ITSN2: variants seen among roughly 807,000 people sequenced by gnomAD.
ITSN2 encodes intersectin-2.
In ITSN2, 156 loss-of-function variants were observed where a neutral mutation model predicts 243.7. The observed-to-expected ratio is 0.64, with a 90% CI of 0.56 to 0.73. ITSN2 has a LOEUF of 0.73. Among genes scored for constraint, ITSN2 ranks in the 30% least tolerant of loss-of-function variants. The probability of loss-of-function intolerance (pLI) is 0.00; values close to 1 mark genes in which losing one functional copy is unlikely to be tolerated. For missense variants in ITSN2, 1,801 were observed against 1,996.1 expected (o/e 0.90, Z 1.86); for synonymous variants, 703 against 699.9 (o/e 1.00, Z -0.07).
intron 1 of ITSN2, among the ~76,000 whole-genome samples, chr2:24,351,520 C>G (rs770380442): frequency 2.0e-5 from 3 of 152,208 alleles, no homozygotes; most frequent in Non-Finnish European, 4.4e-5. Flanking sequence ...AATGTGGATA[C>G]AGTAGACCCC....
At chr2:24,345,644 C>G (rs1381131683) in intron 1 of ITSN2, among the ~76,000 whole-genome samples, 1 of 151,788 alleles carries the variant, frequency 6.6e-6, no homozygotes, top group African/African-American at 2.4e-5. Flanking sequence ...GACCATCCTT[C>G]CCCATCAGTC....
chr2:24,252,337 C>G lies in ITSN2; in HGVS notation c.3120+8G>C. ...AACCAGAATGGGTTGATTTTAATAT[C>G]AAAATACCTCTTGATCCTTTGGTTT... On this transcript the variant is annotated splice_region_variant and intron_variant, in intron 25 of 39. Coordinates refer to ENST00000355123, the MANE Select transcript of ITSN2 (RefSeq NM_006277.3). 5 of 1,593,750 alleles carry G rather than the reference C, an allele frequency of 3.1e-6. No homozygotes were observed. The highest frequency in any genetic ancestry group is 4.3e-6 in the Non-Finnish European group (5 of 1,165,858).
intron 22 of ITSN2, among the ~76,000 whole-genome samples, chr2:24,258,551 CTT>C (rs1222370593): frequency 2.0e-5 from 3 of 152,132 alleles, no homozygotes; most frequent in Non-Finnish European, 4.4e-5. Flanking sequence ...ATTCATTCTT[CTT>C]TCTTTCCCTC....
At chr2:24,265,288 C>T (rs1047435777) in intron 20 of ITSN2, among the ~76,000 whole-genome samples, 1 of 152,190 alleles carries the variant, frequency 6.6e-6, no homozygotes, top group Admixed American at 6.5e-5. Flanking sequence ...CTCAATAAAA[C>T]TTTGTAACTT....
chr2:24,347,856 C>A (rs1040626643), intron 1 of ITSN2, among the ~76,000 whole-genome samples: 1 of 151,848 alleles, frequency 6.6e-6, no homozygotes, highest in African/African-American at 2.4e-5. Flanking sequence ...GAGAATCATT[C>A]GAGGCTGGGA....
chr2:24,213,245 C>T (rs1197843622), intron 32 of ITSN2, among the ~76,000 whole-genome samples: 2 of 152,098 alleles, frequency 1.3e-5, no homozygotes, highest in Non-Finnish European at 2.9e-5. Flanking sequence ...TCCCTGGCCA[C>T]CTTTAGCATA....
intron 2 of ITSN2, among the ~76,000 whole-genome samples, chr2:24,327,229 A>G (rs1685244325): frequency 6.6e-6 from 1 of 152,198 alleles, no homozygotes; most frequent in South Asian, 2.1e-4. Context: ...AAAGAATTAA[A>G]GCTACAATCA....
chr2:24,345,697 C>T (rs2551138), intron 1 of ITSN2, among the ~76,000 whole-genome samples: 148,865 of 152,290 alleles, frequency 0.98, 72,756 homozygotes, highest in East Asian at 0.99. Context: ...CCTGTATCCA[C>T]GGATCTTTTT....
At chr2:24,294,535 C>A (rs867883551) in intron 14 of ITSN2, among the ~76,000 whole-genome samples, 2 of 152,142 alleles carry the variant, frequency 1.3e-5, no homozygotes, top group Admixed American at 1.3e-4. Flanking sequence ...CCAGTCCATG[C>A]AGTAAGAGAA....
intron 15 of ITSN2, among the ~76,000 whole-genome samples, chr2:24,288,653 T>C (rs1199377262): frequency 2.6e-5 from 4 of 152,180 alleles, no homozygotes; most frequent in Non-Finnish European, 5.9e-5. Flanking sequence ...TTACCTCACA[T>C]ACTTACCATT....
At chr2:24,259,580 C>G (rs1312781485) in intron 22 of ITSN2, among the ~76,000 whole-genome samples, 2 of 152,154 alleles carry the variant, frequency 1.3e-5, no homozygotes, top group Non-Finnish European at 2.9e-5. Flanking sequence ...TTCGCTTAAC[C>G]CTTTCTCCAT....
At chr2:24,330,286 C>A (rs1685628730) in intron 1 of ITSN2, 3 of 376,524 alleles carry the variant, frequency 8.0e-6, no homozygotes, top group East Asian at 6.6e-5. Context: ...CAAAAGAATG[C>A]CAAATAGAGA....
At position 24,285,556 on chromosome 2, in the gene ITSN2, G is replaced by A. The variant is rs117905786; in HGVS notation, c.1863+656C>T. 1.2e-3 allele frequency among the ~76,000 whole-genome samples: 181 copies of A among 152,308 alleles called. 1 individual carries two copies. In the East Asian group the frequency reaches 0.028, roughly 23 times the overall value. On this transcript the variant is annotated intron_variant, in intron 16 of 39. Transcript: ENST00000355123. Reference sequence around the variant, plus strand: ...ATATTGTTAGCAAAGGAATAACTGAGACTATTCCCAAATTTACATTCTATG... The same window carrying A: ...ATATTGTTAGCAAAGGAATAACTGAAACTATTCCCAAATTTACATTCTATG...
intron 20 of ITSN2, among the ~76,000 whole-genome samples, chr2:24,262,264 G>A (rs916329376): frequency 6.6e-6 from 1 of 152,032 alleles, no homozygotes; most frequent in African/African-American, 2.4e-5. Flanking sequence ...ATAATATTAT[G>A]ATTATGTTTA....
chr2:24,340,295 A>G (rs1686903991), intron 1 of ITSN2, among the ~76,000 whole-genome samples: 1 of 152,130 alleles, frequency 6.6e-6, no homozygotes, highest in African/African-American at 2.4e-5. Context: ...ACCCTGGCCA[A>G]GATGGTATAA....
chr2:24,265,512 C>T (rs968330223), intron 20 of ITSN2, among the ~76,000 whole-genome samples: 3 of 152,162 alleles, frequency 2.0e-5, no homozygotes, highest in Admixed American at 1.3e-4. Context: ...GGACTTTTTA[C>T]ATAGATTATC....
chr2:24,261,681 C>A lies in ITSN2; in HGVS notation c.2417G>T (p.Gly806Val), dbSNP rs1230632708. The A allele has an allele frequency of 1.2e-6, 2 of 1,613,580 alleles. No homozygotes were observed. Reference protein sequence around the residue: ...WLYGSFQGNFGWFPCNYVEKM... With the variant: ...WLYGSFQGNFVWFPCNYVEKM... Reference sequence around the variant, plus strand: ...TTCTACATAATTGCATGGAAACCAGCCAAAATTTCCTTGAAAACTACCATA... The same window carrying A: ...TTCTACATAATTGCATGGAAACCAGACAAAATTTCCTTGAAAACTACCATA... Residue 806 changes from glycine to valine, a missense_variant, in exon 21 of 40, where the codon GGC becomes GTC. Physicochemically the swap from Gly to Val is moderately radical, Grantham distance 109 (BLOSUM62 -3). Coordinates refer to ENST00000355123, the MANE Select transcript of ITSN2 (RefSeq NM_006277.3).
At chr2:24,243,316 C>A (rs1226388874) in intron 29 of ITSN2, among the ~76,000 whole-genome samples, 2 of 152,122 alleles carry the variant, frequency 1.3e-5, no homozygotes, top group Non-Finnish European at 2.9e-5. Context: ...AGAGTAGACA[C>A]TCAAGTAATA....
At chr2:24,221,242 T>C in intron 29 of ITSN2, 176 bp from the exon 30 acceptor site, 1 of 594,092 alleles carries the variant, frequency 1.7e-6, no homozygotes, top group Admixed American at 3.8e-5. Flanking sequence ...TTGGCATTAA[T>C]GAGCCGGCAC....
Sources: allele counts gnomAD v4.1 joint callset (sites outside exome capture counted in the v4.1 genomes callset), GRCh38; gene constraint gnomAD v4.1.1; transcripts MANE v1.5; gene names NCBI Gene and HGNC (gene_info 2026-07-23, HGNC 2026-07-21).